The following ZC3H12B variants were observed in gnomAD, a reference collection of about 807,000 sequenced individuals.
The protein encoded by ZC3H12B is zinc finger CCCH-type containing 12B.
ZC3H12B carries 7 observed loss-of-function variants against 43.9 expected under a neutral mutation model. The ratio of observed to expected loss-of-function variants is 0.16; its 90% confidence interval spans 0.09 to 0.30. The LOEUF (loss-of-function observed/expected upper bound fraction) is 0.30. ZC3H12B is among the 10% of genes least tolerant of loss of function. The pLI, the probability that ZC3H12B is intolerant of heterozygous loss-of-function variation, is 1.00. For synonymous variants in ZC3H12B, 222 were observed against 241.7 expected, an observed-to-expected ratio of 0.92 and a Z score of 0.76; for missense variants, 475 against 670.2, an observed-to-expected ratio of 0.71 and a Z score of 3.22.
At chrX:65,182,384 G>T in the ZC3H12B span, among the ~76,000 whole-genome samples, 1 of 110,728 alleles carries the variant, frequency 9.0e-6, no homozygotes, top group Non-Finnish European at 1.9e-5. Flanking sequence ...AAACCTGCAC[G>T]TTCTGCACAT....
At chrX:65,336,859 T>C in the ZC3H12B span, among the ~76,000 whole-genome samples, 2 of 112,349 alleles carry the variant, frequency 1.8e-5, no homozygotes, top group Non-Finnish European at 3.8e-5. Flanking sequence ...CATGACCCTG[T>C]ACATGCCAAA....
the ZC3H12B span, chrX:65,270,787 G>A: frequency 9.0e-6 from 1 of 111,699 alleles, no homozygotes; most frequent in Non-Finnish European, 1.9e-5. Flanking sequence ...GAAGGCAATA[G>A]AATTATACCA....
chrX:65,385,856 G>A (rs774449442), intron 2 of ZC3H12B, among the ~76,000 whole-genome samples: 5 of 111,959 alleles, frequency 4.5e-5, no homozygotes, highest in African/African-American at 6.5e-5. Flanking sequence ...TAGCATGAAG[G>A]GCTGCTGACT....
the ZC3H12B span, among the ~76,000 whole-genome samples, chrX:65,203,159 G>C: frequency 1.8e-5 from 2 of 112,016 alleles, no homozygotes; most frequent in African/African-American, 6.5e-5. Flanking sequence ...CTGCCTCAGG[G>C]CATGCCAGAA....
chrX:65,141,926 G>T, the ZC3H12B span, among the ~76,000 whole-genome samples: 1 of 111,653 alleles, frequency 9.0e-6, no homozygotes, highest in Non-Finnish European at 1.9e-5. Context: ...TGGGGATTTG[G>T]GTTGGATTCA....
At chrX:65,323,937 A>G in the ZC3H12B span, among the ~76,000 whole-genome samples, 1 of 112,287 alleles carries the variant, frequency 8.9e-6, no homozygotes, top group Non-Finnish European at 1.9e-5. Flanking sequence ...CATTTCTCTA[A>G]TGACCAGTGA....
the ZC3H12B span, among the ~76,000 whole-genome samples, chrX:65,284,243 C>A: frequency 4.5e-5 from 4 of 88,636 alleles, no homozygotes; most frequent in Non-Finnish European, 8.4e-5. Context: ...TAAGGACACA[C>A]ACACACACAA....
At chrX:65,191,982 G>C in the ZC3H12B span, among the ~76,000 whole-genome samples, 1 of 108,416 alleles carries the variant, frequency 9.2e-6, no homozygotes, top group South Asian at 4.3e-4. Context: ...ATGCGTCCCA[G>C]AGATTCTGGT....
chrX:65,160,769 G>C, the ZC3H12B span, among the ~76,000 whole-genome samples: 2 of 111,273 alleles, frequency 1.8e-5, no homozygotes, highest in East Asian at 5.7e-4. Flanking sequence ...CTTCAGTTCT[G>C]CTCTGATTTT....
intron 1 of ZC3H12B, among the ~76,000 whole-genome samples, chrX:65,367,677 A>T (rs1486000382): frequency 9.0e-6 from 1 of 111,550 alleles, no homozygotes; most frequent in Non-Finnish European, 1.9e-5. Context: ...CCCTTTCATT[A>T]TCTTTCTAAA....
the ZC3H12B span, among the ~76,000 whole-genome samples, chrX:65,314,943 G>A: frequency 1.8e-5 from 2 of 110,542 alleles, no homozygotes; most frequent in Non-Finnish European, 3.8e-5. Flanking sequence ...TTAACTGTAA[G>A]GAGTTAAGTA....
chrX:65,085,185 C>G, the ZC3H12B span, among the ~76,000 whole-genome samples: 1 of 110,889 alleles, frequency 9.0e-6, no homozygotes, highest in Admixed American at 9.6e-5. Flanking sequence ...ATGAATAAGA[C>G]CTACTATTTG....
At chrX:65,149,340 G>T in the ZC3H12B span, among the ~76,000 whole-genome samples, 5 of 112,119 alleles carry the variant, frequency 4.5e-5, no homozygotes, top group Non-Finnish European at 7.5e-5. Context: ...TGATTTTTCT[G>T]TGCGCAGATT....
At chrX:65,247,266 G>A in the ZC3H12B span, among the ~76,000 whole-genome samples, 1 of 112,284 alleles carries the variant, frequency 8.9e-6, no homozygotes, top group East Asian at 2.8e-4. Context: ...TGGAGAAAGA[G>A]GAATGCTTAT....
chrX:65,478,877 C>T (rs916410554), intron 3 of ZC3H12B, among the ~76,000 whole-genome samples: 1 of 112,372 alleles, frequency 8.9e-6, no homozygotes, highest in Admixed American at 9.5e-5. Flanking sequence ...CTTTTCAAAG[C>T]CCCTTATGGA....
the ZC3H12B span, among the ~76,000 whole-genome samples, chrX:65,289,174 T>A: frequency 3.6e-5 from 4 of 111,207 alleles, no homozygotes; most frequent in East Asian, 1.1e-3. Flanking sequence ...GCCCAAGCTA[T>A]CTACAAGTTC....
intron 3 of ZC3H12B, among the ~76,000 whole-genome samples, chrX:65,428,698 T>C (rs2067114074): frequency 8.9e-6 from 1 of 112,335 alleles, no homozygotes; most frequent in South Asian, 3.7e-4. Flanking sequence ...GGTTACAACA[T>C]GTTCCTTTAG....
At chrX:65,141,072 A>T in the ZC3H12B span, among the ~76,000 whole-genome samples, 319 of 109,139 alleles carry the variant, frequency 2.9e-3, no homozygotes, top group African/African-American at 9.6e-3. Flanking sequence ...TTCTTTTCTA[A>T]TCTTTATTAT....
At chrX:65,405,922 C>A (rs1242289711) in intron 3 of ZC3H12B, among the ~76,000 whole-genome samples, 3 of 111,281 alleles carry the variant, frequency 2.7e-5, no homozygotes, top group Non-Finnish European at 5.7e-5. Context: ...TAGGTACATA[C>A]AACCTATCAA....
Sources: gnomAD v4.1 joint callset for allele counts (sites outside exome capture counted in the v4.1 genomes callset) on GRCh38, gnomAD v4.1.1 for gene constraint, MANE v1.5 for transcripts, NCBI Gene and HGNC (gene_info 2026-07-23, HGNC 2026-07-21) for gene names.